Variants in LPCAT1 observed in about 807,000 individuals in gnomAD.
LPCAT1 encodes the protein 1-acylglycerol-3-phosphate O-acyltransferase.
A neutral mutation model predicts 60.9 loss-of-function variants in LPCAT1; 23 were observed. The observed-to-expected ratio is 0.38, with a 90% CI of 0.27 to 0.53. The LOEUF is 0.53. Among genes scored for constraint, LPCAT1 ranks in the 20% least tolerant of loss-of-function variants. The probability of loss-of-function intolerance (pLI) is 0.82; values close to 1 mark genes in which losing one functional copy is unlikely to be tolerated. For synonymous variants in LPCAT1, 340 were observed against 301.1 expected, an observed-to-expected ratio of 1.13 and a Z score of -1.34; for missense variants, 622 against 723.6, an observed-to-expected ratio of 0.86 and a Z score of 1.61.
chr5:1,498,653 G>C (rs200839520), intron 2 of LPCAT1, among the ~76,000 whole-genome samples: 1 of 105,286 alleles, frequency 9.5e-6, no homozygotes, highest in Non-Finnish European at 2.2e-5. Context: ...CATGTACACA[G>C]AGACACAACA....
chr5:1,496,039 C>T lies in LPCAT1; in HGVS notation c.279-1125G>A, dbSNP rs576502928. 1.9e-4 allele frequency among the ~76,000 whole-genome samples: 29 copies of T among 152,342 alleles called. No individual in the cohort carries two copies. Among genetic ancestry groups the T allele is most frequent in the Non-Finnish European group, 3.7e-4 (25 of 68,042 alleles). ...GGGATTACACAGGTGTGCACTTCTTCACCACCTGTTCAGCTGCATATTTAA... is the reference window on the plus strand; with the variant it reads ...GGGATTACACAGGTGTGCACTTCTTTACCACCTGTTCAGCTGCATATTTAA... On this transcript the variant is annotated intron_variant, in intron 2 of 13. Coordinates refer to ENST00000283415, the MANE Select transcript of LPCAT1 (RefSeq NM_024830.5). This position sits in a 1 kb window ranked among gnomAD's most constrained non-coding sequence, Gnocchi z 4.7.
At chr5:1,505,560 CGG>C (rs1560988265) in intron 1 of LPCAT1, among the ~76,000 whole-genome samples, 1 of 145,974 alleles carries the variant, frequency 6.9e-6, no homozygotes, top group East Asian at 2.0e-4. Context: ...GCCTGCATGC[CGG>C]GTAGGGTAGT....
Position 1,487,683 on chromosome 5 carries a change from T to A in LPCAT1, c.667+708A>T, listed in dbSNP as rs931945605. 2.0e-4 allele frequency among the ~76,000 whole-genome samples: 30 copies of A among 150,750 alleles called. No homozygotes were observed. The highest frequency in any genetic ancestry group is 6.8e-4 in the African/African-American group (28 of 40,914). ...CTCTGATCCAACCACAGAGAACAGGTCTGCATGCCCCAGTATGGACACAGT... is the reference window on the plus strand; with the variant it reads ...CTCTGATCCAACCACAGAGAACAGGACTGCATGCCCCAGTATGGACACAGT... On this transcript the variant is annotated intron_variant, in intron 5 of 13. Coordinates refer to ENST00000283415, the MANE Select transcript of LPCAT1 (RefSeq NM_024830.5). The surrounding 1 kb of genome is among the most constrained non-coding windows in gnomAD (Gnocchi z 6.1).
Position 1,487,599 on chromosome 5 carries a change from G to A in LPCAT1, c.667+792C>T, listed in dbSNP as rs1166964458. ...AAATGTCCAGACACTCAGGTTGTGC[G>A]GCCCCAGAGGCACGGCAGCCGGTGC... On this transcript the variant is annotated intron_variant, in intron 5 of 13. Transcript: ENST00000283415. The surrounding 1 kb of genome is among the most constrained non-coding windows in gnomAD (Gnocchi z 6.1). Among the ~76,000 whole-genome samples the A allele has an allele frequency of 2.0e-5, 3 of 152,132 alleles. No homozygotes were observed. The highest frequency in any genetic ancestry group is 4.8e-5 in the African/African-American group (2 of 41,432).
chr5:1,475,519 C>A (rs1734866896), intron 9 of LPCAT1, among the ~76,000 whole-genome samples: 4 of 152,208 alleles, frequency 2.6e-5, no homozygotes, highest in South Asian at 2.1e-4. Context: ...CAACTCAGAA[C>A]CCCAAATGAC....
In LPCAT1 at chr5:1,483,341, C is replaced by G. The variant is rs1010053604; in HGVS notation, c.726+87G>C. 4.4e-6 allele frequency: 6 copies of G among 1,356,880 alleles called. No individual in the cohort carries two copies. Among genetic ancestry groups the G allele is most frequent in the South Asian group, 3.5e-5 (3 of 85,840 alleles). 84.1% of individuals were successfully genotyped at this position (1,356,880 alleles called of 1,614,324 possible). Reference sequence around the variant, plus strand: ...GGCGCAGATAAAGGGTGTGGAGAGACAGAGACACAGGTGCACAGAGGCAGC... The same window carrying G: ...GGCGCAGATAAAGGGTGTGGAGAGAGAGAGACACAGGTGCACAGAGGCAGC... On this transcript the variant is annotated intron_variant, in intron 6 of 13. Transcript: ENST00000283415. The surrounding 1 kb of genome is among the most constrained non-coding windows in gnomAD (Gnocchi z 9.2).
In LPCAT1 at chr5:1,496,417, C is replaced by CAAA. The variant is rs755376822; in HGVS notation, c.279-1506_279-1504dup. 1.6e-5 allele frequency among the ~76,000 whole-genome samples: 2 copies of CAAA among 122,024 alleles called. No individual in the cohort carries two copies. The highest frequency in any genetic ancestry group is 5.9e-5 in the African/African-American group (2 of 33,798). The allele number at this position is 122,024 out of a possible 152,430, so 80.1% of individuals were successfully genotyped here. A position where few individuals can be genotyped will look rare whatever the true frequency, so the allele number is the denominator to read the frequency against. On this transcript the variant is annotated intron_variant, in intron 2 of 13. Transcript: ENST00000283415. The surrounding 1 kb of genome is among the most constrained non-coding windows in gnomAD (Gnocchi z 4.7). ...TCTTCTGTGCACATGTTATTTTCCACAAAAAAAAAAAAAAAGTACAAAAAC... is the reference window on the plus strand; with the variant it reads ...TCTTCTGTGCACATGTTATTTTCCACAAAAAAAAAAAAAAAAAAGTACAAAAAC...
At chr5:1,503,346 C>T (rs963686093) in intron 1 of LPCAT1, among the ~76,000 whole-genome samples, 47 of 152,232 alleles carry the variant, frequency 3.1e-4, no homozygotes, top group Non-Finnish European at 5.3e-4. Flanking sequence ...GAAACCTTCC[C>T]AGGCCTCATC....
rs1049517236 is a variant in LPCAT1, at chr5:1,487,901, G to A, written c.667+490C>T. On this transcript the variant is annotated intron_variant, in intron 5 of 13. Coordinates refer to ENST00000283415, the MANE Select transcript of LPCAT1 (RefSeq NM_024830.5). This position sits in a 1 kb window ranked among gnomAD's most constrained non-coding sequence, Gnocchi z 6.1. ...ACAATACTAGACCCAGGTAACCGCC[G>A]CGGGAGAGACCCAAGTTCACACGCA... is the stretch of plus-strand genomic sequence containing the variant. 5.9e-5 allele frequency among the ~76,000 whole-genome samples: 9 copies of A among 152,202 alleles called. No homozygotes were observed. The highest frequency in any genetic ancestry group is 4.2e-4 in the South Asian group (2 of 4,812).
intron 1 of LPCAT1, among the ~76,000 whole-genome samples, chr5:1,507,397 G>A (rs1281954948): frequency 2.0e-5 from 3 of 152,250 alleles, no homozygotes; most frequent in Non-Finnish European, 4.4e-5. Flanking sequence ...GTCTGAGGCT[G>A]AGTTACTTCA....
rs146596999 is a variant in LPCAT1 at position 1,466,077 on chromosome 5, G to C, written c.1420+672C>G. ...CAGGTGGGGATTGCGGCATCCACTGGGATGAGCCAGGCCAGGGCCTGCAGC... is the reference window on the plus strand; with the variant it reads ...CAGGTGGGGATTGCGGCATCCACTGCGATGAGCCAGGCCAGGGCCTGCAGC... On this transcript the variant is annotated intron_variant, in intron 13 of 13. Transcript: ENST00000283415. 2.8e-4 allele frequency among the ~76,000 whole-genome samples: 42 copies of C among 152,386 alleles called. No homozygotes were observed. In the East Asian group the frequency reaches 7.9e-3, roughly 29 times the overall value.
At chr5:1,472,905 C>T (rs1008997364) in intron 11 of LPCAT1, among the ~76,000 whole-genome samples, 3 of 152,132 alleles carry the variant, frequency 2.0e-5, no homozygotes, top group African/African-American at 7.2e-5. Context: ...GGGAGAATGC[C>T]CTGAGCCACG....
chr5:1,476,415 C>T lies in LPCAT1; in HGVS notation c.899+989G>A, dbSNP rs533228182. ...ATGGGAACGTGAGGGAACGGGCCGC[C>T]CAGCTGAATCTTCAGGGTGTCAGCG... is the stretch of plus-strand genomic sequence containing the variant. On this transcript the variant is annotated intron_variant, in intron 9 of 13. Transcript: ENST00000283415. This position sits in a 1 kb window ranked among gnomAD's most constrained non-coding sequence, Gnocchi z 8.6. Among the ~76,000 whole-genome samples, 2 of 152,058 alleles carry T rather than the reference C, an allele frequency of 1.3e-5. No individual in the cohort carries two copies. The highest frequency in any genetic ancestry group is 2.9e-5 in the Non-Finnish European group (2 of 68,008).
rs1369452060 is a variant in LPCAT1, at chr5:1,462,630, A to T, written c.*1021T>A. On this transcript the variant is annotated 3_prime_UTR_variant, in exon 14 of 14. Coordinates refer to ENST00000283415, the MANE Select transcript of LPCAT1 (RefSeq NM_024830.5). ...GGGTGGCAGCGTGACGCCAGTCACCATGGAAACCAGGGCTGACAGGAAGAT... is the reference window on the plus strand; with the variant it reads ...GGGTGGCAGCGTGACGCCAGTCACCTTGGAAACCAGGGCTGACAGGAAGAT... The T allele has an allele frequency of 6.6e-6, 1 of 152,356 alleles. No homozygotes were observed. Among genetic ancestry groups the T allele is most frequent in the African/African-American group, 2.4e-5 (1 of 41,462 alleles). 9.4% of individuals were successfully genotyped at this position (152,356 alleles called of 1,614,324 possible).
Position 1,463,362 on chromosome 5 carries a change from C to A in LPCAT1, c.*289G>T. On this transcript the variant is annotated 3_prime_UTR_variant, in exon 14 of 14. Transcript: ENST00000283415. ...GAAACCAGGGCCCCGTGGGAGAACA[C>A]GGGGCGGCACCGGTGCCCCCCGCCC... The A allele has an allele frequency of 2.6e-6, 1 of 390,270 alleles. No individual in the cohort carries two copies. The highest frequency in any genetic ancestry group is 4.6e-6 in the Non-Finnish European group (1 of 216,518). 24.2% of individuals were successfully genotyped at this position (390,270 alleles called of 1,614,324 possible).
chr5:1,483,560 C>A lies in LPCAT1; in HGVS notation c.668-74G>T. The A allele has an allele frequency of 1.3e-6, 2 of 1,501,798 alleles. No individual in the cohort carries two copies. The highest frequency in any genetic ancestry group is 1.8e-6 in the Non-Finnish European group (2 of 1,085,928). 93.0% of individuals were successfully genotyped at this position (1,501,798 alleles called of 1,614,324 possible). On this transcript the variant is annotated intron_variant, in intron 5 of 13. Coordinates refer to ENST00000283415, the MANE Select transcript of LPCAT1 (RefSeq NM_024830.5). This position sits in a 1 kb window ranked among gnomAD's most constrained non-coding sequence, Gnocchi z 9.2. ...AGCGTCTGCTGCGTTTCTCATGCTG[C>A]CCTTGGGATAAAAGTGAGCTTTTCT...
Position 1,466,731 on chromosome 5 carries a change from C to T in LPCAT1, c.1420+18G>A. On this transcript the variant is annotated intron_variant, in intron 13 of 13. Transcript: ENST00000283415. ...CCGCCCAAGGGTCGCGAGGACGACC[C>T]CACTCCTGCGGGCTCACCGAATGTG... 3.1e-6 allele frequency: 5 copies of T among 1,602,896 alleles called. No individual in the cohort carries two copies. Among genetic ancestry groups the T allele is most frequent in the Non-Finnish European group, 4.3e-6 (5 of 1,172,684 alleles).
chr5:1,494,382 C>A (rs917325069), intron 3 of LPCAT1, among the ~76,000 whole-genome samples: 2 of 151,360 alleles, frequency 1.3e-5, no homozygotes, highest in Non-Finnish European at 2.9e-5. Flanking sequence ...ATGTGCCCGG[C>A]GGTGGGGGCT....
chr5:1,501,654 A>C, intron 1 of LPCAT1, 51 bp from the exon 2 acceptor site: 2 of 1,593,680 alleles, frequency 1.3e-6, no homozygotes, highest in Non-Finnish European at 1.7e-6. Context: ...GACACCAGGC[A>C]GCTCCCCACC....
Sources: allele counts gnomAD v4.1 joint callset (sites outside exome capture counted in the v4.1 genomes callset), GRCh38; gene constraint gnomAD v4.1.1; non-coding constraint Gnocchi (gnomAD v3.1); transcripts MANE v1.5; gene names NCBI Gene and HGNC (gene_info 2026-07-23, HGNC 2026-07-21).